Variants in DOCK3 observed in about 807,000 individuals in gnomAD.
DOCK3 encodes the protein dedicator of cytokinesis protein 3.
A neutral mutation model predicts 265.6 loss-of-function variants in DOCK3; 60 were observed. The ratio of observed to expected loss-of-function variants is 0.23; its 90% CI spans 0.18 to 0.28. The LOEUF (loss-of-function observed/expected upper bound fraction) is 0.28, where lower values mean the gene tolerates loss of function less well. DOCK3 is among the 10% of genes least tolerant of loss of function. The probability of loss-of-function intolerance (pLI) is 1.00; values close to 1 mark genes in which losing one functional copy is unlikely to be tolerated. For missense variants in DOCK3, 1,981 were observed against 2,594.3 expected, an observed-to-expected ratio of 0.76 and a Z score of 5.14; for synonymous variants, 881 against 938.0, an observed-to-expected ratio of 0.94 and a Z score of 1.11.
intron 2 of DOCK3, among the ~76,000 whole-genome samples, chr3:50,813,965 T>C (rs773333715): frequency 6.6e-6 from 1 of 152,192 alleles, no homozygotes; most frequent in African/African-American, 2.4e-5. Flanking sequence ...TAGTAAATAC[T>C]AAGTGCAATG....
chr3:51,342,901 A>G (rs916981937), intron 38 of DOCK3, among the ~76,000 whole-genome samples: 39 of 152,244 alleles, frequency 2.6e-4, no homozygotes, highest in African/African-American at 9.1e-4. Flanking sequence ...AGCAGAGTCT[A>G]TGCTGAGTAG....
chr3:51,366,143 T>C (rs2110418938), intron 49 of DOCK3, among the ~76,000 whole-genome samples: 1 of 152,328 alleles, frequency 6.6e-6, no homozygotes, highest in East Asian at 1.9e-4. Context: ...GGGAGGCTAT[T>C]AATTATTGCC....
At chr3:51,077,905 C>G (rs940489965) in intron 7 of DOCK3, among the ~76,000 whole-genome samples, 3 of 152,172 alleles carry the variant, frequency 2.0e-5, no homozygotes, top group Non-Finnish European at 4.4e-5. Flanking sequence ...GACCTTCATA[C>G]AGTGAAACCC....
At chr3:51,104,727 G>A (rs2083213680) in intron 9 of DOCK3, among the ~76,000 whole-genome samples, 1 of 152,120 alleles carries the variant, frequency 6.6e-6, no homozygotes, top group African/African-American at 2.4e-5. Flanking sequence ...CAACAATGAA[G>A]AGTTGCTCAG....
intron 5 of DOCK3, among the ~76,000 whole-genome samples, chr3:51,015,991 C>T (rs180979322): frequency 8.9e-4 from 9 of 10,064 alleles, no homozygotes; most frequent in Admixed American, 5.6e-3. Context: ...TATATTTCTA[C>T]ATAATATATA....
At chr3:51,117,491 G>A (rs1408259016) in intron 9 of DOCK3, among the ~76,000 whole-genome samples, 1 of 152,062 alleles carries the variant, frequency 6.6e-6, no homozygotes, top group East Asian at 1.9e-4. Flanking sequence ...AATGAGTTAG[G>A]GAGGAGTCCT....
At chr3:51,090,979 G>A (rs952381530) in intron 9 of DOCK3, among the ~76,000 whole-genome samples, 3 of 152,282 alleles carry the variant, frequency 2.0e-5, no homozygotes, top group South Asian at 2.1e-4. Flanking sequence ...AGAAATGGAA[G>A]TTATAACAGA....
chr3:50,794,711 G>C (rs2042673522), intron 2 of DOCK3, among the ~76,000 whole-genome samples: 1 of 152,130 alleles, frequency 6.6e-6, no homozygotes, highest in African/African-American at 2.4e-5. Flanking sequence ...TTTAATTGGG[G>C]CATTTATCCT....
At chr3:50,702,266 G>A (rs2168866) in intron 1 of DOCK3, among the ~76,000 whole-genome samples, 14,382 of 152,018 alleles carry the variant, frequency 0.095, 837 homozygotes, top group Non-Finnish European at 0.12. Flanking sequence ...CATTTTTGTC[G>A]TAGAGGTCTT....
chr3:51,044,322 CA>C (rs565158536), intron 5 of DOCK3, among the ~76,000 whole-genome samples: 2 of 151,846 alleles, frequency 1.3e-5, no homozygotes, highest in South Asian at 2.1e-4. Flanking sequence ...CAAACTAACA[CA>C]AAAAAACAGA....
intron 23 of DOCK3, among the ~76,000 whole-genome samples, chr3:51,267,549 T>G (rs568086306): frequency 1.3e-5 from 2 of 152,212 alleles, no homozygotes; most frequent in South Asian, 4.1e-4. Context: ...CATGTTCAGC[T>G]AATTTTTTCA....
intron 1 of DOCK3, among the ~76,000 whole-genome samples, chr3:50,761,180 T>C (rs1035164386): frequency 6.6e-6 from 1 of 152,158 alleles, no homozygotes; most frequent in Non-Finnish European, 1.5e-5. Flanking sequence ...TTTATTATTT[T>C]TTAAAATAAA....
At chr3:51,145,811 GACT>G (rs2085273709) in intron 9 of DOCK3, among the ~76,000 whole-genome samples, 1 of 152,146 alleles carries the variant, frequency 6.6e-6, no homozygotes, top group Admixed American at 6.5e-5. Context: ...TTTTTCCATA[GACT>G]GATGGGTGGA....
At chr3:51,014,482 C>A (rs2079076132) in intron 5 of DOCK3, among the ~76,000 whole-genome samples, 1 of 152,154 alleles carries the variant, frequency 6.6e-6, no homozygotes, top group Admixed American at 6.5e-5. Context: ...CAGTTAAATA[C>A]CTCCATTGAT....
intron 27 of DOCK3, among the ~76,000 whole-genome samples, chr3:51,305,301 T>C (rs765683535): frequency 2.6e-5 from 4 of 152,224 alleles, no homozygotes; most frequent in Non-Finnish European, 4.4e-5. Context: ...TTTATCATTA[T>C]AAAAATATCC....
intron 1 of DOCK3, among the ~76,000 whole-genome samples, chr3:50,741,262 C>T (rs1007968757): frequency 7.0e-5 from 4 of 57,110 alleles, no homozygotes; most frequent in African/African-American, 3.4e-4. Flanking sequence ...CTGTTTCAGT[C>T]TCTGTTTTTT....
rs542902126 is a variant in DOCK3 at position 51,097,009 on chromosome 3, C to T, written c.746+6625C>T. On this transcript the variant is annotated intron_variant, in intron 9 of 52. Coordinates refer to ENST00000266037, the MANE Select transcript of DOCK3 (RefSeq NM_004947.5). ...GTCCCAGAGGGGCACCCACCAGATGCCAGCCAGAGCTCTCCTGTATGAGGT... is the reference window on the plus strand; with the variant it reads ...GTCCCAGAGGGGCACCCACCAGATGTCAGCCAGAGCTCTCCTGTATGAGGT... Among the ~76,000 whole-genome samples, 3 of 152,324 alleles carry T rather than the reference C, an allele frequency of 2.0e-5. No homozygotes were observed. In the East Asian group the frequency reaches 5.8e-4, roughly 29 times the overall value.
chr3:50,810,530 G>A (rs1217676708), intron 2 of DOCK3, among the ~76,000 whole-genome samples: 4 of 152,008 alleles, frequency 2.6e-5, no homozygotes, highest in Non-Finnish European at 5.9e-5. Flanking sequence ...GCAACAGAGC[G>A]ACACTCCGTC....
At chr3:50,939,451 C>CT (rs2108224710) in intron 5 of DOCK3, among the ~76,000 whole-genome samples, 1 of 152,140 alleles carries the variant, frequency 6.6e-6, no homozygotes, top group South Asian at 2.1e-4. Context: ...TGGAGTATCT[C>CT]TTATGTTTGT....
Sources: allele counts gnomAD v4.1 joint callset (sites outside exome capture counted in the v4.1 genomes callset), GRCh38; gene constraint gnomAD v4.1.1; transcripts MANE v1.5; gene names NCBI Gene and HGNC (gene_info 2026-07-23, HGNC 2026-07-21).